The following UBE2G2 variants were observed in gnomAD, a reference collection of about 807,000 sequenced individuals.
UBE2G2 encodes ubiquitin conjugating enzyme E2 G2, also known as ubiquitin-conjugating enzyme E2 G2.
Under a neutral mutation model 23.0 loss-of-function variants are expected in UBE2G2, and 10 were observed. The observed-to-expected ratio is 0.43, with a 90% confidence interval of 0.27 to 0.74. The LOEUF is 0.74. Among genes scored for constraint, UBE2G2 ranks in the 30% least tolerant of loss-of-function variants. The pLI, the probability that UBE2G2 is intolerant of heterozygous loss-of-function variation, is 0.19. For synonymous variants in UBE2G2, 86 were observed against 81.3 expected (o/e 1.06, Z -0.31); for missense variants, 150 against 218.3 (o/e 0.69, Z 1.97).
At chr21:44,799,509 A>G (rs2083118799) in intron 1 of UBE2G2, among the ~76,000 whole-genome samples, 1 of 152,160 alleles carries the variant, frequency 6.6e-6, no homozygotes, top group Non-Finnish European at 1.5e-5. Flanking sequence ...ATTTACTTCA[A>G]TCTCATGAAC....
Position 44,797,669 on chromosome 21 carries a change from T to C in UBE2G2, c.43+4037A>G, listed in dbSNP as rs562360378. Among the ~76,000 whole-genome samples the C allele has an allele frequency of 3.4e-5, 4 of 117,786 alleles. No individual in the cohort carries two copies. The East Asian group carries it at 6.4e-4, about 19-fold the overall frequency. The allele number at this position is 117,786 out of a possible 152,430, so 77.3% of individuals were successfully genotyped here. A position where few individuals can be genotyped will look rare whatever the true frequency, so the allele number is the denominator to read the frequency against. On this transcript the variant is annotated intron_variant, in intron 1 of 5. Transcript: ENST00000345496. ...GGCGGAGCCTGCAGTGAGTCAAGATTGCGCCACTGCACTCCAGCCTGGGCG... is the reference window on the plus strand; with the variant it reads ...GGCGGAGCCTGCAGTGAGTCAAGATCGCGCCACTGCACTCCAGCCTGGGCG...
At position 44,773,557 on chromosome 21, in the gene UBE2G2, G is replaced by A; in HGVS notation, c.375C>T (p.Ser125=). 1.2e-6 allele frequency: 2 copies of A among 1,608,802 alleles called. No homozygotes were observed. Among genetic ancestry groups the A allele is most frequent in the Non-Finnish European group, 1.7e-6 (2 of 1,179,800 alleles). Residue 125 remains serine (S), a synonymous_variant, in exon 5 of 6, where the codon AGC becomes AGT. Transcript: ENST00000345496. ...SVEKILLSVV[S]MLAEPNDESG... ...AGGCTCGGGCCTTACCTGCCAGCAT[G>A]CTCACCACCGACAGCAGGATCTTCT...
chr21:44,787,549 T>C (rs550518017), intron 3 of UBE2G2, among the ~76,000 whole-genome samples: 10 of 152,298 alleles, frequency 6.6e-5, no homozygotes, highest in African/African-American at 2.4e-4. Context: ...TGAGGACCCT[T>C]TTCTCGTCAA....
Position 44,778,778 on chromosome 21 carries a change from G to A in UBE2G2, c.126-1361C>T, listed in dbSNP as rs56757167. 9.7e-3 allele frequency among the ~76,000 whole-genome samples: 1,470 copies of A among 152,268 alleles called. 27 individuals carry two copies. The highest frequency in any genetic ancestry group is 0.033 in the African/African-American group (1,352 of 41,534). ...AAATAGGTCAGTAAACCCGTTCTCCGTCTACGAACTGAAAGAACAAGTCCC... is the reference window on the plus strand; with the variant it reads ...AAATAGGTCAGTAAACCCGTTCTCCATCTACGAACTGAAAGAACAAGTCCC... On this transcript the variant is annotated intron_variant, in intron 3 of 5. Coordinates refer to ENST00000345496, the MANE Select transcript of UBE2G2 (RefSeq NM_003343.6).
intron 4 of UBE2G2, chr21:44,776,871 T>C: frequency 6.3e-6 from 1 of 158,884 alleles, no homozygotes. Flanking sequence ...TACCCAGACT[T>C]GAATATGTCT....
rs183597577 is a variant in UBE2G2, at chr21:44,799,736, T to C, written c.43+1970A>G. Reference sequence around the variant, plus strand: ...ATTGTGTTCAACAGAGCAGCACTTCTAATTTCCTTTAAGAACTTTTCCTTT... The same window carrying C: ...ATTGTGTTCAACAGAGCAGCACTTCCAATTTCCTTTAAGAACTTTTCCTTT... On this transcript the variant is annotated intron_variant, in intron 1 of 5. Transcript: ENST00000345496. 2.1e-4 allele frequency among the ~76,000 whole-genome samples: 32 copies of C among 152,394 alleles called. No homozygotes were observed. In the East Asian group the frequency reaches 6.0e-3, roughly 28 times the overall value.
chr21:44,788,118 C>T lies in UBE2G2; in HGVS notation c.44-23G>A, dbSNP rs782610299. On this transcript the variant is annotated intron_variant, in intron 1 of 5. Coordinates refer to ENST00000345496, the MANE Select transcript of UBE2G2 (RefSeq NM_003343.6). Reference sequence around the variant, plus strand: ...ATTCTATAAAATTAATAAGTAAAACCATTACCAAACAGAATAAATGTTACA... The same window carrying T: ...ATTCTATAAAATTAATAAGTAAAACTATTACCAAACAGAATAAATGTTACA... 225 of 1,577,526 alleles carry T rather than the reference C, an allele frequency of 1.4e-4. 1 individual carries two copies. The highest frequency in any genetic ancestry group is 3.0e-5 in the Non-Finnish European group (35 of 1,162,400).
chr21:44,781,172 T>C (rs936521590), intron 3 of UBE2G2, among the ~76,000 whole-genome samples: 1 of 152,168 alleles, frequency 6.6e-6, no homozygotes, highest in Non-Finnish European at 1.5e-5. Context: ...CTGAAGTGGA[T>C]GACTAAGGGA....
At chr21:44,796,082 A>G (rs1433977021) in intron 1 of UBE2G2, among the ~76,000 whole-genome samples, 1 of 152,220 alleles carries the variant, frequency 6.6e-6, no homozygotes, top group Non-Finnish European at 1.5e-5. Flanking sequence ...GTAAAAGAAT[A>G]AATTTCTGTT....
chr21:44,773,812 C>A, intron 4 of UBE2G2, 125 bp from the exon 5 acceptor site: 1 of 1,343,162 alleles, frequency 7.4e-7, no homozygotes, highest in East Asian at 2.5e-5. Flanking sequence ...GTTTGCACAG[C>A]TGGGGCATAG....
chr21:44,775,536 A>G (rs1412218910), intron 4 of UBE2G2: 3 of 152,244 alleles, frequency 2.0e-5, no homozygotes, highest in Admixed American at 2.0e-4. Flanking sequence ...AAATAATCCA[A>G]TTACAGTAAG....
intron 1 of UBE2G2, among the ~76,000 whole-genome samples, chr21:44,797,974 C>A (rs1317112109): frequency 6.6e-6 from 1 of 151,956 alleles, no homozygotes; most frequent in Non-Finnish European, 1.5e-5. Flanking sequence ...CAAACCCTGA[C>A]AACATAGAGG....
intron 3 of UBE2G2, among the ~76,000 whole-genome samples, chr21:44,779,409 G>A (rs1329019756): frequency 1.3e-5 from 2 of 151,600 alleles, no homozygotes; most frequent in East Asian, 3.9e-4. Flanking sequence ...CAGAGCCTCA[G>A]CATGACCAGC....
chr21:44,773,534 G>A lies in UBE2G2; in HGVS notation c.385+13C>T. 1 of 1,604,658 alleles carries A rather than the reference G, an allele frequency of 6.2e-7. No individual in the cohort carries two copies. The highest frequency in any genetic ancestry group is 1.3e-5 in the African/African-American group (1 of 74,992). ...TGTCCACGGCAGCTCCTGCCAGGAG[G>A]CTCGGGCCTTACCTGCCAGCATGCT... On this transcript the variant is annotated intron_variant, in intron 5 of 5. Transcript: ENST00000345496.
chr21:44,798,582 C>A (rs1367501002), intron 1 of UBE2G2, among the ~76,000 whole-genome samples: 1 of 152,240 alleles, frequency 6.6e-6, no homozygotes, highest in Non-Finnish European at 1.5e-5. Context: ...TAGATTCCAT[C>A]TCAAGAATCA....
At chr21:44,790,890 G>A (rs1203180253) in intron 1 of UBE2G2, among the ~76,000 whole-genome samples, 3 of 152,196 alleles carry the variant, frequency 2.0e-5, no homozygotes, top group African/African-American at 7.2e-5. Flanking sequence ...CAGTTTGAAG[G>A]GCTTAGAAGA....
chr21:44,798,626 T>A (rs1555964245), intron 1 of UBE2G2, among the ~76,000 whole-genome samples: 2 of 152,368 alleles, frequency 1.3e-5, no homozygotes, highest in East Asian at 3.9e-4. Context: ...CAACTCCCCA[T>A]CTGTTCAAGT....
chr21:44,789,860 G>A (rs924197503), intron 1 of UBE2G2, among the ~76,000 whole-genome samples: 6 of 152,062 alleles, frequency 3.9e-5, no homozygotes, highest in South Asian at 4.1e-4. Flanking sequence ...CTCATGAATG[G>A]AGTTAGTGCC....
rs1334680473 is a variant in UBE2G2, at chr21:44,801,658, G to A, written c.43+48C>T. The stretch of plus-strand genomic sequence containing the variant: ...AGCCCCGCCGGACGACGCGGGCCCG[G>A]GAGCAGGAACGCGGGACGCTGCTGA... On this transcript the variant is annotated intron_variant, in intron 1 of 5. Transcript: ENST00000345496. The A allele has an allele frequency of 3.3e-6, 5 of 1,500,058 alleles. No individual in the cohort carries two copies. In the African/African-American group the frequency reaches 5.8e-5, roughly 18 times the overall value. 92.9% of individuals were successfully genotyped at this position (1,500,058 alleles called of 1,614,324 possible).
Sources: allele counts gnomAD v4.1 joint callset (sites outside exome capture counted in the v4.1 genomes callset), GRCh38; gene constraint gnomAD v4.1.1; transcripts MANE v1.5; gene names NCBI Gene and HGNC (gene_info 2026-07-23, HGNC 2026-07-21).